The following DAPK3 variants were observed in gnomAD, a reference collection of about 807,000 sequenced individuals.
DAPK3 encodes the protein death-associated protein kinase 3.
In DAPK3, 24 loss-of-function variants were observed where a neutral mutation model predicts 30.6. That is an observed-to-expected ratio of 0.78 (90% CI 0.57 to 1.10). The LOEUF (loss-of-function observed/expected upper bound fraction) is 1.10, where lower values mean the gene tolerates loss of function less well. Among genes scored for constraint, DAPK3 ranks in the 50% least tolerant of loss-of-function variants. DAPK3 has a pLI of 0.00. For missense variants in DAPK3, 629 were observed against 657.3 expected, an observed-to-expected ratio of 0.96 and a Z score of 0.47; for synonymous variants, 341 against 284.0, an observed-to-expected ratio of 1.20 and a Z score of -2.02.
At chr19:3,963,761 G>T in intron 5 of DAPK3, 92 bp from the exon 6 acceptor site, 1 of 1,263,834 alleles carries the variant, frequency 7.9e-7, no homozygotes, top group Non-Finnish European at 1.1e-6. Context: ...CTAGGGCAAC[G>T]GTCCCCCCAT....
At chr19:3,965,657 T>TTTTTG (rs1568193371) in intron 2 of DAPK3, among the ~76,000 whole-genome samples, 1 of 29,860 alleles carries the variant, frequency 3.3e-5, no homozygotes, top group Non-Finnish European at 5.7e-5. Flanking sequence ...AGATCCGCTT[T>TTTTTG]TTTTGTTTTT....
At chr19:3,968,484 A>AG (rs1225662665) in intron 2 of DAPK3, among the ~76,000 whole-genome samples, 7 of 152,194 alleles carry the variant, frequency 4.6e-5, no homozygotes, top group Non-Finnish European at 7.4e-5. Context: ...AGGAAAAAAA[A>AG]AAAAGGCTGT....
Position 3,965,142 on chromosome 19 carries a change from ACT to A in DAPK3, c.63-153_63-152del, listed in dbSNP as rs1440412690. 39 of 603,880 alleles carry A rather than the reference ACT, an allele frequency of 6.5e-5. No homozygotes were observed. The Admixed American group carries it at 1.1e-3, about 17-fold the overall frequency. 37.4% of individuals were successfully genotyped at this position (603,880 alleles called of 1,614,324 possible). The stretch of plus-strand genomic sequence containing the variant: ...TGAGCTGGCCACTGCGGGGGTGCAG[ACT>A]CTGCGCCTTCTCAGAGAGCAATTCC... On this transcript the variant is annotated intron_variant, in intron 2 of 8. Coordinates refer to ENST00000545797, the MANE Select transcript of DAPK3 (RefSeq NM_001348.3).
At chr19:3,968,999 T>TC (rs1253874944) in intron 2 of DAPK3, among the ~76,000 whole-genome samples, 9 of 152,214 alleles carry the variant, frequency 5.9e-5, no homozygotes, top group Non-Finnish European at 1.3e-4. Context: ...CTCTGCTTTT[T>TC]CCCACAAGCA....
chr19:3,962,581 G>A (rs2039529098), intron 6 of DAPK3, among the ~76,000 whole-genome samples: 1 of 152,140 alleles, frequency 6.6e-6, no homozygotes, highest in African/African-American at 2.4e-5. Flanking sequence ...TTCAAGACCA[G>A]CCTGACCGAA....
chr19:3,959,147 G>T lies in DAPK3; in HGVS notation c.1319C>A (p.Ala440Asp), dbSNP rs2039472954. 3.2e-6 allele frequency: 5 copies of T among 1,584,052 alleles called. No homozygotes were observed. Among genetic ancestry groups the T allele is most frequent in the Non-Finnish European group, 3.4e-6 (4 of 1,169,830 alleles). The change falls in exon 9 of 9, where the codon GCC becomes GAC. Residue 440 changes from alanine to aspartate, a missense_variant. Around this residue, in one of 2 missense-constraint regions of DAPK3, gnomAD observed 323 missense variants for 278.8 expected, o/e 1.16. Coordinates refer to ENST00000545797, the MANE Select transcript of DAPK3 (RefSeq NM_001348.3). ...EMRFVQDLVRALEQEKLQGVE... is the reference protein window; with the variant it reads ...EMRFVQDLVRDLEQEKLQGVE... The stretch of plus-strand genomic sequence containing the variant: ...GCCCTGCAGCTTCTCCTGCTCCAGG[G>T]CGCGCACGAGGTCCTGCACGAAGCG...
intron 2 of DAPK3, among the ~76,000 whole-genome samples, chr19:3,965,193 C>CG (rs1479381363): frequency 6.6e-6 from 1 of 152,208 alleles, no homozygotes; most frequent in Non-Finnish European, 1.5e-5. Flanking sequence ...CCATCAGACG[C>CG]GGCGTTCCCA....
chr19:3,963,029 G>A (rs1356996856), intron 6 of DAPK3, among the ~76,000 whole-genome samples: 5 of 152,052 alleles, frequency 3.3e-5, no homozygotes. Flanking sequence ...TTGAACCTGG[G>A]AGGTGGGGGT....
Position 3,960,881 on chromosome 19 carries a change from G to A in DAPK3, c.782+128C>T, listed in dbSNP as rs1180216912. The A allele has an allele frequency of 8.7e-6, 8 of 914,424 alleles. No individual in the cohort carries two copies. The Admixed American group carries it at 1.4e-4, about 16-fold the overall frequency. 56.6% of individuals were successfully genotyped at this position (914,424 alleles called of 1,614,324 possible). ...TATCAGTTTACTCTCTCCAGCCCAA[G>A]GGGTAAGCAATGTCTGATCCCCAGC... On this transcript the variant is annotated intron_variant, in intron 7 of 8. Transcript: ENST00000545797.
At chr19:3,967,125 T>C (rs1029794464) in intron 2 of DAPK3, among the ~76,000 whole-genome samples, 2 of 152,116 alleles carry the variant, frequency 1.3e-5, no homozygotes, top group African/African-American at 2.4e-5. Context: ...ACACCGACAA[T>C]TTCTACTGAT....
intron 6 of DAPK3, 21 bp from the exon 7 acceptor site, chr19:3,961,182 C>A (rs1328312131): frequency 6.2e-7 from 1 of 1,603,556 alleles, no homozygotes; most frequent in Non-Finnish European, 8.5e-7. Flanking sequence ...GGCGTGGGGG[C>A]TCAGTGGGGT....
At chr19:3,969,987 C>T (rs2039617776) in intron 1 of DAPK3, 158 bp from the exon 2 acceptor site, 1 of 533,898 alleles carries the variant, frequency 1.9e-6, no homozygotes, top group Non-Finnish European at 3.3e-6. Context: ...TGGGCTGGGT[C>T]CTGTCATGTC....
Position 3,959,044 on chromosome 19 carries a change from C to G in DAPK3, c.*57G>C. On this transcript the variant is annotated 3_prime_UTR_variant, in exon 9 of 9. Coordinates refer to ENST00000545797, the MANE Select transcript of DAPK3 (RefSeq NM_001348.3). The stretch of plus-strand genomic sequence containing the variant: ...TGGGAGGCGCAGCGTCCACAGGAAG[C>G]GCCCCCACCGCAGGCCGAGCTCCGG... 1 of 1,142,710 alleles carries G rather than the reference C, an allele frequency of 8.8e-7. No individual in the cohort carries two copies. The highest frequency in any genetic ancestry group is 1.6e-5 in the South Asian group (1 of 61,818). The allele number at this position is 1,142,710 out of a possible 1,614,324, so 70.8% of individuals were successfully genotyped here.
At chr19:3,960,965 T>A in intron 7 of DAPK3, 44 bp downstream of exon 7, 1 of 1,601,694 alleles carries the variant, frequency 6.2e-7, no homozygotes, top group Non-Finnish European at 8.5e-7. Flanking sequence ...GGAGTGGGCC[T>A]GTGTCCCATG....
At position 3,959,301 on chromosome 19, in the gene DAPK3, CGGTCTTGA is replaced by C. The variant is rs1568189254; in HGVS notation, c.1157_1164del (p.Leu386ArgfsTer188). 7 of 1,595,880 alleles carry C rather than the reference CGGTCTTGA, an allele frequency of 4.4e-6. No homozygotes were observed. Among genetic ancestry groups the C allele is most frequent in the Non-Finnish European group, 5.9e-6 (7 of 1,178,062 alleles). ...TCCTGCGCCTGCCGCTTGAGCGCCT[CGGTCTTGA>C]GCAGCTCCTGCCGTAGCCTCCGCAG... is the stretch of plus-strand genomic sequence containing the variant. On this transcript the variant is annotated frameshift_variant, in exon 9 of 9. Transcript: ENST00000545797. LOFTEE classifies it low-confidence loss of function (END_TRUNC).
In DAPK3 at chr19:3,960,113, C is replaced by A. The variant is rs112514343; in HGVS notation, c.783-9G>T. 1,150 of 1,515,078 alleles carry A rather than the reference C, an allele frequency of 7.6e-4. 13 individuals carry two copies. The East Asian group carries it at 0.015, about 20-fold the overall frequency. The allele number at this position is 1,515,078 out of a possible 1,614,324, so 93.9% of individuals were successfully genotyped here. On this transcript the variant is annotated splice_polypyrimidine_tract_variant and intron_variant, in intron 7 of 8. Coordinates refer to ENST00000545797, the MANE Select transcript of DAPK3 (RefSeq NM_001348.3). ...CAATGGTCATTCTCCGCCTGGAAGA[C>A]CCCCGCTCTGGTTAGGTACACCTGC...
chr19:3,962,234 T>TAAACTGAAGGAGGAGG (rs2039524394), intron 6 of DAPK3, among the ~76,000 whole-genome samples: 1 of 152,226 alleles, frequency 6.6e-6, no homozygotes, highest in African/African-American at 2.4e-5. Flanking sequence ...ATGAAAAATG[T>TAAACTGAAGGAGGAGG]AAACTGAAGG....
chr19:3,959,052 C>G lies in DAPK3; in HGVS notation c.*49G>C. 7.8e-7 allele frequency: 1 copy of G among 1,278,464 alleles called. No individual in the cohort carries two copies. 79.2% of individuals were successfully genotyped at this position (1,278,464 alleles called of 1,614,324 possible). A position where few individuals can be genotyped will look rare whatever the true frequency, so the allele number is the denominator to read the frequency against. On this transcript the variant is annotated 3_prime_UTR_variant, in exon 9 of 9. Coordinates refer to ENST00000545797, the MANE Select transcript of DAPK3 (RefSeq NM_001348.3). The stretch of plus-strand genomic sequence containing the variant: ...GCAGCGTCCACAGGAAGCGCCCCCA[C>G]CGCAGGCCGAGCTCCGGCTGTCCTG...
intron 2 of DAPK3, among the ~76,000 whole-genome samples, chr19:3,966,533 C>A (rs1242349783): frequency 6.6e-6 from 1 of 152,164 alleles, no homozygotes; most frequent in Non-Finnish European, 1.5e-5. Flanking sequence ...TAGAAGGCTA[C>A]CTAAGAAGCC....
Sources: gnomAD v4.1 joint callset for allele counts (sites outside exome capture counted in the v4.1 genomes callset) on GRCh38, gnomAD v4.1.1 for gene constraint, gnomAD v4.1.1 regional missense constraint, MANE v1.5 for transcripts, NCBI Gene and HGNC (gene_info 2026-07-23, HGNC 2026-07-21) for gene names.